ENPP6: variants seen among roughly 807,000 people sequenced by gnomAD.
The protein encoded by ENPP6 is glycerophosphocholine cholinephosphodiesterase ENPP6.
In ENPP6, 32 loss-of-function variants were observed where a neutral mutation model predicts 42.0. That is an observed-to-expected ratio of 0.76 (90% CI 0.58 to 1.02). The LOEUF (loss-of-function observed/expected upper bound fraction) is 1.02. Ranked by LOEUF, ENPP6 falls within the 50% of genes least tolerant of loss-of-function variation. The pLI, the probability that ENPP6 is intolerant of heterozygous loss-of-function variation, is 0.00. For synonymous variants in ENPP6, 213 were observed against 216.0 expected (o/e 0.99, Z 0.12); for missense variants, 552 against 566.8 (o/e 0.97, Z 0.27).
At chr4:184,203,206 G>A (rs937218857) in intron 1 of ENPP6, among the ~76,000 whole-genome samples, 8 of 152,146 alleles carry the variant, frequency 5.3e-5, no homozygotes, top group African/African-American at 9.7e-5. Context: ...AGCTGAGATC[G>A]TGCCACTGCA....
In ENPP6 at chr4:184,117,776, T is replaced by G. The variant is rs757976046; in HGVS notation, c.658A>C (p.Met220Leu). 6.2e-7 allele frequency: 1 copy of G among 1,614,196 alleles called. No homozygotes were observed. Among genetic ancestry groups the G allele is most frequent in the Non-Finnish European group, 8.5e-7 (1 of 1,179,998 alleles). The change falls in exon 4 of 8, where the codon ATG becomes CTG. Residue 220 changes from methionine to leucine, a missense_variant. By Grantham distance (15) the Met-to-Leu change is conservative. This residue lies in a region of ENPP6 where 545 missense variants were observed against 546.3 expected (regional missense o/e 1.00). Coordinates refer to ENST00000296741, the MANE Select transcript of ENPP6 (RefSeq NM_153343.4). ...LKAVDTVLKYMTKWIQERGLQ... is the reference protein window; with the variant it reads ...LKAVDTVLKYLTKWIQERGLQ... ...CAGGTCACCTGGATCCACTTGGTCA[T>G]GTACTTCAGGACAGTGTCTACAGCC...
intron 2 of ENPP6, among the ~76,000 whole-genome samples, chr4:184,133,826 A>T (rs1444501148): frequency 6.6e-6 from 1 of 151,464 alleles, no homozygotes; most frequent in Non-Finnish European, 1.5e-5. Flanking sequence ...AAATGATTAG[A>T]TGATTTTCTC....
At chr4:184,107,917 T>TTAA (rs1736130478) in intron 6 of ENPP6, among the ~76,000 whole-genome samples, 1 of 115,936 alleles carries the variant, frequency 8.6e-6, no homozygotes, top group African/African-American at 3.0e-5. Context: ...TCAGTCTCAA[T>TTAA]AAAAAAAAAA....
intron 2 of ENPP6, among the ~76,000 whole-genome samples, chr4:184,125,064 G>A (rs1203992619): frequency 2.0e-5 from 3 of 152,234 alleles, no homozygotes; most frequent in African/African-American, 2.4e-5. Flanking sequence ...CTGGAAACAG[G>A]AGTGGATCTG....
rs1732599838 is a variant in ENPP6, at chr4:184,184,454, G to C, written c.242-30721C>G. 6.6e-6 allele frequency among the ~76,000 whole-genome samples: 1 copy of C among 152,146 alleles called. No homozygotes were observed. The highest frequency in any genetic ancestry group is 2.4e-5 in the African/African-American group (1 of 41,436). On this transcript the variant is annotated intron_variant, in intron 1 of 7. Coordinates refer to ENST00000296741, the MANE Select transcript of ENPP6 (RefSeq NM_153343.4). This position sits in a 1 kb window ranked among gnomAD's most constrained non-coding sequence, Gnocchi z 4.7. Reference sequence around the variant, plus strand: ...ATGCAGCTGAAAAAATAATGAACTGGAAGATGTAATTGAAAAAATAATGCA... The same window carrying C: ...ATGCAGCTGAAAAAATAATGAACTGCAAGATGTAATTGAAAAAATAATGCA...
rs1733221385 is a variant in ENPP6, at chr4:184,217,746, T to C, written c.74A>G (p.Lys25Arg). 1.2e-6 allele frequency: 2 copies of C among 1,614,178 alleles called. No homozygotes were observed. The highest frequency in any genetic ancestry group is 1.3e-5 in the African/African-American group (1 of 75,066). ...ACCATCCAGCAGAAACACCAGCAGC[T>C]TCCGGCGGGCAGAGGCTGGCTGGGC... ...GLAQPASARR[K>R]LLVFLLDGFR... Residue 25 changes from lysine (K) to arginine (R), a missense_variant, in exon 1 of 8, where the codon AAG (lysine) becomes AGG (arginine). Coordinates refer to ENST00000296741, the MANE Select transcript of ENPP6 (RefSeq NM_153343.4).
At chr4:184,149,104 C>T (rs935688935) in intron 2 of ENPP6, among the ~76,000 whole-genome samples, 1 of 152,188 alleles carries the variant, frequency 6.6e-6, no homozygotes, top group African/African-American at 2.4e-5. Context: ...ATATCCAGAC[C>T]ACTTGTGTTT....
intron 1 of ENPP6, among the ~76,000 whole-genome samples, chr4:184,199,738 A>G (rs528719906): frequency 6.6e-6 from 1 of 152,242 alleles, no homozygotes; most frequent in African/African-American, 2.4e-5. Context: ...TTAACTATAG[A>G]GCACTTTCTT....
intron 5 of ENPP6, among the ~76,000 whole-genome samples, chr4:184,115,127 C>G (rs1386119933): frequency 6.6e-6 from 1 of 152,226 alleles, no homozygotes; most frequent in Non-Finnish European, 1.5e-5. Flanking sequence ...ACCCTGGCCT[C>G]CACCAGTGCT....
chr4:184,143,899 G>A (rs922561252), intron 2 of ENPP6, among the ~76,000 whole-genome samples: 23 of 152,238 alleles, frequency 1.5e-4, no homozygotes, highest in Non-Finnish European at 3.4e-4. Flanking sequence ...GGAGGGACAG[G>A]CAGGTAGGGG....
In ENPP6 at chr4:184,091,249, G is replaced by A. The variant is rs142602934; in HGVS notation, c.1251C>T (p.Arg417=). The A allele has an allele frequency of 5.8e-4, 927 of 1,603,510 alleles. 1 individual carries two copies. The highest frequency in any genetic ancestry group is 1.3e-3 in the Middle Eastern group (8 of 6,010). The change falls in exon 8 of 8, where the codon CGC becomes CGT. Residue 417 remains arginine (R), a synonymous_variant. Coordinates refer to ENST00000296741, the MANE Select transcript of ENPP6 (RefSeq NM_153343.4). ...GCCAGACAGGCGGGGCAGTGCTGGCGCGGCCCTTCAGCATGCACATCACCC... is the reference window on the plus strand; with the variant it reads ...GCCAGACAGGCGGGGCAGTGCTGGCACGGCCCTTCAGCATGCACATCACCC... ...WSRVMCMLKG[R]ASTAPPVWPS...
In ENPP6 at chr4:184,134,986, G is replaced by T. The variant is rs188068797; in HGVS notation, c.422-10714C>A. ...GAATCAGGAGTTATTTAGAGGTCTG[G>T]TTATTTTCCAAATGTATGAGGATTT... is the stretch of plus-strand genomic sequence containing the variant. On this transcript the variant is annotated intron_variant, in intron 2 of 7. Coordinates refer to ENST00000296741, the MANE Select transcript of ENPP6 (RefSeq NM_153343.4). Among the ~76,000 whole-genome samples the T allele has an allele frequency of 1.6e-3, 243 of 151,464 alleles. 1 individual carries two copies. The highest frequency in any genetic ancestry group is 6.8e-3 in the Middle Eastern group (2 of 294).
intron 7 of ENPP6, among the ~76,000 whole-genome samples, chr4:184,094,551 C>G (rs1337557516): frequency 6.6e-6 from 1 of 152,262 alleles, no homozygotes; most frequent in Non-Finnish European, 1.5e-5. Context: ...AAGAGCAAAA[C>G]AATGCCTGAT....
In ENPP6 at chr4:184,217,534, A is replaced by T. The variant is rs199563959; in HGVS notation, c.241+45T>A. Reference sequence around the variant, plus strand: ...CCAGGAGCTCACTGTTCCCTGCTGGATGCCAGCCCTCCCCTCCCTGCCCAG... The same window carrying T: ...CCAGGAGCTCACTGTTCCCTGCTGGTTGCCAGCCCTCCCCTCCCTGCCCAG... On this transcript the variant is annotated intron_variant, in intron 1 of 7. Transcript: ENST00000296741. 178 of 1,607,728 alleles carry T rather than the reference A, an allele frequency of 1.1e-4. 1 individual carries two copies. The African/African-American group carries it at 2.2e-3, about 20-fold the overall frequency.
At chr4:184,141,391 G>A (rs1736817881) in intron 2 of ENPP6, among the ~76,000 whole-genome samples, 1 of 152,212 alleles carries the variant, frequency 6.6e-6, no homozygotes, top group South Asian at 2.1e-4. Context: ...CATGACTGAG[G>A]AAAGCAGGGC....
At chr4:184,202,600 C>T (rs948185475) in intron 1 of ENPP6, among the ~76,000 whole-genome samples, 2 of 152,166 alleles carry the variant, frequency 1.3e-5, no homozygotes, top group African/African-American at 4.8e-5. Flanking sequence ...TCCTCCTTTG[C>T]CCAAACTATC....
intron 7 of ENPP6, among the ~76,000 whole-genome samples, chr4:184,095,409 C>T (rs1478928111): frequency 6.6e-6 from 1 of 152,004 alleles, no homozygotes. Flanking sequence ...TCTGAAATTC[C>T]AGCACTTTGG....
At chr4:184,196,650 G>A (rs1732805011) in intron 1 of ENPP6, among the ~76,000 whole-genome samples, 1 of 152,232 alleles carries the variant, frequency 6.6e-6, no homozygotes, top group Non-Finnish European at 1.5e-5. Flanking sequence ...AAGACAGGTG[G>A]AGGAAAGCCA....
At chr4:184,126,267 G>A (rs1306146850) in intron 2 of ENPP6, among the ~76,000 whole-genome samples, 1 of 152,176 alleles carries the variant, frequency 6.6e-6, no homozygotes, top group East Asian at 1.9e-4. Context: ...ACTTAACACT[G>A]GCACAGTAAT....
Sources: gnomAD v4.1 joint callset for allele counts (sites outside exome capture counted in the v4.1 genomes callset) on GRCh38, gnomAD v4.1.1 for gene constraint, gnomAD v4.1.1 regional missense constraint, Gnocchi (gnomAD v3.1) non-coding constraint, MANE v1.5 for transcripts, NCBI Gene and HGNC (gene_info 2026-07-23, HGNC 2026-07-21) for gene names.